KIAA1958: variants seen among roughly 807,000 people sequenced by gnomAD.
The protein encoded by KIAA1958 is KIAA1958, also known as uncharacterized protein KIAA1958.
KIAA1958 carries 14 observed loss-of-function variants against 47.2 expected under a neutral mutation model. That is an observed-to-expected ratio of 0.30 (90% CI 0.20 to 0.46). KIAA1958 has a LOEUF of 0.46. Ranked by LOEUF, KIAA1958 falls within the 20% of genes least tolerant of loss-of-function variation. KIAA1958 has a pLI of 1.00. For synonymous variants in KIAA1958, 354 were observed against 353.3 expected, an observed-to-expected ratio of 1.00 and a Z score of -0.02; for missense variants, 803 against 909.2, an observed-to-expected ratio of 0.88 and a Z score of 1.50.
At chr9:112,566,765 T>C (rs1835434233) in intron 1 of KIAA1958, among the ~76,000 whole-genome samples, 1 of 152,156 alleles carries the variant, frequency 6.6e-6, no homozygotes, top group Non-Finnish European at 1.5e-5. Context: ...GGAGGACTTT[T>C]GTTTTAAAAT....
At chr9:112,594,299 T>C (rs1835978415) in intron 2 of KIAA1958, among the ~76,000 whole-genome samples, 1 of 152,214 alleles carries the variant, frequency 6.6e-6, no homozygotes, top group Non-Finnish European at 1.5e-5. Flanking sequence ...ATACATCCTT[T>C]AAAGTGCACA....
rs566101181 is a variant in KIAA1958 at position 112,557,067 on chromosome 9, T to C, written c.-24-16990T>C. On this transcript the variant is annotated intron_variant, in intron 1 of 3. Transcript: ENST00000337530. Reference sequence around the variant, plus strand: ...TCAACCTCCCAGGCTCAAGTGATCCTCCCACCTCACCCTCCCGAGTAGCTG... The same window carrying C: ...TCAACCTCCCAGGCTCAAGTGATCCCCCCACCTCACCCTCCCGAGTAGCTG... 8.5e-5 allele frequency among the ~76,000 whole-genome samples: 13 copies of C among 152,202 alleles called. No individual in the cohort carries two copies. The East Asian group carries it at 2.3e-3, about 27-fold the overall frequency.
At chr9:112,575,291 A>G (rs1835627223) in intron 2 of KIAA1958, 40 bp downstream of exon 2, 2 of 1,387,036 alleles carry the variant, frequency 1.4e-6, no homozygotes, top group South Asian at 1.4e-5. Context: ...TCATCCACGC[A>G]CGCCAGAATT....
At chr9:112,562,588 C>T (rs1316523868) in intron 1 of KIAA1958, among the ~76,000 whole-genome samples, 2 of 152,182 alleles carry the variant, frequency 1.3e-5, no homozygotes, top group African/African-American at 4.8e-5. Flanking sequence ...ATACTTGGAA[C>T]TTCTGCCACC....
At chr9:112,551,177 C>T (rs1835139791) in intron 1 of KIAA1958, among the ~76,000 whole-genome samples, 1 of 151,814 alleles carries the variant, frequency 6.6e-6, no homozygotes, top group Admixed American at 6.6e-5. Context: ...TAAATGCATT[C>T]ACATGTTATA....
chr9:112,542,442 A>AGAAT (rs1834959936), intron 1 of KIAA1958, among the ~76,000 whole-genome samples: 3 of 152,150 alleles, frequency 2.0e-5, no homozygotes, highest in African/African-American at 7.2e-5. Context: ...TTATAAAGAA[A>AGAAT]ATATTCACAT....
At chr9:112,517,699 T>A (rs1834461596) in intron 1 of KIAA1958, among the ~76,000 whole-genome samples, 1 of 152,162 alleles carries the variant, frequency 6.6e-6, no homozygotes, top group Non-Finnish European at 1.5e-5. Flanking sequence ...AACAAAAGAT[T>A]TGTATCTAGA....
At chr9:112,499,430 C>G (rs1834096866) in intron 1 of KIAA1958, among the ~76,000 whole-genome samples, 1 of 152,070 alleles carries the variant, frequency 6.6e-6, no homozygotes, top group South Asian at 2.1e-4. Flanking sequence ...AAGGAATGTT[C>G]TGCTTTAAAA....
At chr9:112,596,746 A>T (rs1289126614) in intron 2 of KIAA1958, among the ~76,000 whole-genome samples, 1 of 152,168 alleles carries the variant, frequency 6.6e-6, no homozygotes, top group Non-Finnish European at 1.5e-5. Context: ...AATTTATTAT[A>T]GCTTTGTGCA....
chr9:112,529,794 C>A (rs139419234), intron 1 of KIAA1958, among the ~76,000 whole-genome samples: 98 of 152,144 alleles, frequency 6.4e-4, no homozygotes, highest in African/African-American at 2.2e-3. Flanking sequence ...GGGAGGAAGT[C>A]ACTGTTTGCA....
intron 1 of KIAA1958, among the ~76,000 whole-genome samples, chr9:112,503,770 A>G (rs1173260911): frequency 2.0e-5 from 3 of 152,076 alleles, no homozygotes; most frequent in Non-Finnish European, 4.4e-5. Flanking sequence ...AAAAATCCCT[A>G]TTAAAAATTG....
chr9:112,568,807 G>A (rs889921073), intron 1 of KIAA1958, among the ~76,000 whole-genome samples: 1 of 150,448 alleles, frequency 6.6e-6, no homozygotes, highest in African/African-American at 2.4e-5. Flanking sequence ...AGGGTTACCG[G>A]AGCCCAGGGG....
chr9:112,504,063 A>G (rs1267146816), intron 1 of KIAA1958, among the ~76,000 whole-genome samples: 1 of 152,116 alleles, frequency 6.6e-6, no homozygotes, highest in Non-Finnish European at 1.5e-5. Context: ...ATCTTTCTCA[A>G]GTTGATTGTA....
At chr9:112,491,910 A>G (rs941226785) in intron 1 of KIAA1958, among the ~76,000 whole-genome samples, 15 of 152,054 alleles carry the variant, frequency 9.9e-5, no homozygotes, top group African/African-American at 3.6e-4. Flanking sequence ...TTTAATTGCA[A>G]ATATTCTGTC....
At chr9:112,532,037 A>G (rs546520065) in intron 1 of KIAA1958, among the ~76,000 whole-genome samples, 1 of 152,324 alleles carries the variant, frequency 6.6e-6, no homozygotes, top group East Asian at 1.9e-4. Flanking sequence ...GATGACCTCA[A>G]TAGATACCTT....
chr9:112,548,497 A>G (rs1835082187), intron 1 of KIAA1958, among the ~76,000 whole-genome samples: 1 of 152,162 alleles, frequency 6.6e-6, no homozygotes, highest in Admixed American at 6.5e-5. Flanking sequence ...GGTCACTCAT[A>G]TTTGGCTCAG....
At chr9:112,628,445 C>T (rs959505499) in intron 2 of KIAA1958, among the ~76,000 whole-genome samples, 7 of 152,164 alleles carry the variant, frequency 4.6e-5, no homozygotes, top group Admixed American at 6.5e-5. Flanking sequence ...TTTGCCCCTC[C>T]GTGAGGTGAT....
At chr9:112,639,096 A>G (rs977833009) in intron 2 of KIAA1958, among the ~76,000 whole-genome samples, 1 of 152,194 alleles carries the variant, frequency 6.6e-6, no homozygotes, top group Non-Finnish European at 1.5e-5. Context: ...CTGCATAACC[A>G]TAATATAATC....
intron 1 of KIAA1958, among the ~76,000 whole-genome samples, chr9:112,564,199 C>T (rs1345991148): frequency 6.6e-6 from 1 of 152,114 alleles, no homozygotes; most frequent in Non-Finnish European, 1.5e-5. Flanking sequence ...AAAATATTTG[C>T]ATAATTTTTG....
Sources: gnomAD v4.1 joint callset for allele counts (sites outside exome capture counted in the v4.1 genomes callset) on GRCh38, gnomAD v4.1.1 for gene constraint, MANE v1.5 for transcripts, NCBI Gene and HGNC (gene_info 2026-07-23, HGNC 2026-07-21) for gene names.